The following RGS6 variants were observed in gnomAD, a reference collection of about 807,000 sequenced individuals.
RGS6 encodes the protein regulator of G-protein signaling 6.
In RGS6, 30 loss-of-function variants were observed where a neutral mutation model predicts 78.5. The observed-to-expected ratio is 0.38, with a 90% CI of 0.29 to 0.52. The LOEUF is 0.52. Ranked by LOEUF, RGS6 falls within the 20% of genes least tolerant of loss-of-function variation. The probability of loss-of-function intolerance (pLI) is 0.85; values close to 1 mark genes in which losing one functional copy is unlikely to be tolerated. For synonymous variants in RGS6, 206 were observed against 206.0 expected, an observed-to-expected ratio of 1.00 and a Z score of 0.00; for missense variants, 495 against 609.7, an observed-to-expected ratio of 0.81 and a Z score of 1.98.
upstream of RGS6, among the ~76,000 whole-genome samples, chr14:71,931,486 T>C (rs1408942719): frequency 6.6e-6 from 1 of 152,232 alleles, no homozygotes; most frequent in African/African-American, 2.4e-5. Context: ...AAGGAGACTT[T>C]ACTCTTTAAC....
At chr14:72,223,070 G>A (rs754121547) in intron 2 of RGS6, among the ~76,000 whole-genome samples, 2 of 152,124 alleles carry the variant, frequency 1.3e-5, no homozygotes, top group Admixed American at 6.5e-5. Flanking sequence ...TAATTAAAAC[G>A]CCTTAGAATT....
chr14:72,310,872 A>G (rs2068451038), intron 2 of RGS6, among the ~76,000 whole-genome samples: 2 of 152,226 alleles, frequency 1.3e-5, no homozygotes, highest in South Asian at 4.1e-4. Context: ...AGAAATCGTA[A>G]TTGAGAGTTC....
chr14:72,571,909 A>C, the RGS6 span, among the ~76,000 whole-genome samples: 1 of 152,254 alleles, frequency 6.6e-6, no homozygotes, highest in Non-Finnish European at 1.5e-5. Context: ...TCTGGCTATC[A>C]AGGTATTTAT....
chr14:72,610,239 G>A, the RGS6 span, among the ~76,000 whole-genome samples: 1 of 152,180 alleles, frequency 6.6e-6, no homozygotes, highest in African/African-American at 2.4e-5. Context: ...TGTTTCCAGG[G>A]TCTCTGACTC....
chr14:71,986,980 C>T (rs1028145179), intron 2 of RGS6, among the ~76,000 whole-genome samples: 2 of 152,134 alleles, frequency 1.3e-5, no homozygotes, highest in African/African-American at 4.8e-5. Context: ...ATGGAGCCCA[C>T]ACACATAATC....
chr14:72,522,745 C>T (rs2097064128), intron 15 of RGS6, among the ~76,000 whole-genome samples: 1 of 152,252 alleles, frequency 6.6e-6, no homozygotes, highest in Middle Eastern at 3.4e-3. Flanking sequence ...ATGTAAAGAT[C>T]TAGATCACAG....
chr14:72,292,414 C>G (rs2063764492), intron 2 of RGS6, among the ~76,000 whole-genome samples: 1 of 152,114 alleles, frequency 6.6e-6, no homozygotes, highest in Non-Finnish European at 1.5e-5. Flanking sequence ...AAATTCAGGT[C>G]GAACCAAGGC....
intron 2 of RGS6, among the ~76,000 whole-genome samples, chr14:72,046,322 C>T (rs1283036940): frequency 6.6e-6 from 1 of 151,548 alleles, no homozygotes; most frequent in African/African-American, 2.4e-5. Flanking sequence ...TTTTTAAACT[C>T]CCATGTCCAA....
the RGS6 span, among the ~76,000 whole-genome samples, chr14:72,604,105 G>A: frequency 1.3e-5 from 2 of 152,094 alleles, no homozygotes; most frequent in Non-Finnish European, 2.9e-5. Flanking sequence ...TTTTCTCACA[G>A]GTTAAAGACT....
At chr14:72,238,846 A>G (rs1372478633) in intron 2 of RGS6, among the ~76,000 whole-genome samples, 1 of 152,158 alleles carries the variant, frequency 6.6e-6, no homozygotes, top group East Asian at 1.9e-4. Flanking sequence ...TACCATGCCT[A>G]AAACACTCAT....
intron 1 of RGS6, among the ~76,000 whole-genome samples, chr14:71,953,952 T>C (rs2092566132): frequency 6.7e-6 from 1 of 148,320 alleles, no homozygotes. Flanking sequence ...GCACTAGATG[T>C]AGAATTCTAA....
At chr14:72,585,244 C>A in the RGS6 span, among the ~76,000 whole-genome samples, 2 of 152,200 alleles carry the variant, frequency 1.3e-5, no homozygotes, top group African/African-American at 4.8e-5. Flanking sequence ...ATCTCCCTCC[C>A]ATTCACTCCA....
intron 4 of RGS6, among the ~76,000 whole-genome samples, chr14:72,457,577 C>G (rs1484853790): frequency 6.6e-6 from 1 of 152,130 alleles, no homozygotes; most frequent in Non-Finnish European, 1.5e-5. Flanking sequence ...GCCACCATGC[C>G]CGACCTATAT....
chr14:72,523,850 T>A (rs2097085180), intron 15 of RGS6, among the ~76,000 whole-genome samples: 1 of 152,112 alleles, frequency 6.6e-6, no homozygotes, highest in Admixed American at 6.5e-5. Context: ...TTTTAAGGAC[T>A]CAGTTCTTTA....
intron 2 of RGS6, among the ~76,000 whole-genome samples, chr14:72,343,216 TG>T (rs1432437020): frequency 2.6e-5 from 4 of 152,224 alleles, no homozygotes; most frequent in Admixed American, 2.6e-4. Flanking sequence ...AAAATCAAGT[TG>T]CTAGCAGGAC....
At position 72,372,261 on chromosome 14, in the gene RGS6, G is replaced by A. The variant is rs1371252333; in HGVS notation, c.184+20067G>A. On this transcript the variant is annotated intron_variant, in intron 3 of 17. Transcript: ENST00000553525. ...TATAGGCTTTGTTCTCCTTAAACACGTTGACTTTAATAAGGCATGTTTTGT... is the reference window on the plus strand; with the variant it reads ...TATAGGCTTTGTTCTCCTTAAACACATTGACTTTAATAAGGCATGTTTTGT... Among the ~76,000 whole-genome samples the A allele has an allele frequency of 4.6e-5, 7 of 152,094 alleles. No homozygotes were observed. The South Asian group carries it at 1.0e-3, about 23-fold the overall frequency.
intron 2 of RGS6, among the ~76,000 whole-genome samples, chr14:72,005,759 A>C (rs1055576566): frequency 6.6e-6 from 1 of 152,076 alleles, no homozygotes; most frequent in Non-Finnish European, 1.5e-5. Flanking sequence ...CTGCTGTCCT[A>C]TTTAAATAAT....
At chr14:72,333,826 C>A (rs1055558792) in intron 2 of RGS6, among the ~76,000 whole-genome samples, 3 of 152,164 alleles carry the variant, frequency 2.0e-5, no homozygotes, top group African/African-American at 7.2e-5. Context: ...AATCTAGATG[C>A]CCACTGGCTG....
intron 2 of RGS6, among the ~76,000 whole-genome samples, chr14:72,219,764 A>C (rs1435700712): frequency 1.3e-5 from 2 of 152,176 alleles, no homozygotes; most frequent in African/African-American, 4.8e-5. Context: ...TGTATCTCCA[A>C]GACTACATAG....
Sources: gnomAD v4.1 joint callset for allele counts (sites outside exome capture counted in the v4.1 genomes callset) on GRCh38, gnomAD v4.1.1 for gene constraint, MANE v1.5 for transcripts, NCBI Gene and HGNC (gene_info 2026-07-23, HGNC 2026-07-21) for gene names.